The following CSMD2 variants were observed in gnomAD, a reference collection of about 807,000 sequenced individuals.
CSMD2 encodes the protein CUB and Sushi multiple domains 2.
A neutral mutation model predicts 398.5 loss-of-function variants in CSMD2; 130 were observed. That is an observed-to-expected ratio of 0.33 (90% CI 0.28 to 0.38). The LOEUF (loss-of-function observed/expected upper bound fraction) is 0.38. Among genes scored for constraint, CSMD2 ranks in the 10% least tolerant of loss-of-function variants. CSMD2 has a pLI of 1.00. For synonymous variants in CSMD2, 1,828 were observed against 1,908.5 expected (o/e 0.96, Z 1.10); for missense variants, 3,829 against 4,764.9 (o/e 0.80, Z 5.78).
chr1:34,010,980 C>T (rs1647265759), intron 3 of CSMD2, among the ~76,000 whole-genome samples: 2 of 152,184 alleles, frequency 1.3e-5, no homozygotes, highest in African/African-American at 4.8e-5. Flanking sequence ...ACCTTCTTTT[C>T]ATCCTTTAGG....
intron 11 of CSMD2, among the ~76,000 whole-genome samples, chr1:33,790,661 G>GTCTATCTATCTATCTA (rs72105736): frequency 2.0e-4 from 30 of 149,842 alleles, no homozygotes; most frequent in East Asian, 4.0e-4. Context: ...CTGTTTGTCT[G>GTCTATCTATCTATCTA]TCTATCTATC....
At chr1:33,664,989 T>C (rs1644261602) in intron 25 of CSMD2, among the ~76,000 whole-genome samples, 1 of 152,154 alleles carries the variant, frequency 6.6e-6, no homozygotes, top group African/African-American at 2.4e-5. Context: ...ATATATTCTT[T>C]ACGAAAATAC....
chr1:33,744,678 G>A (rs969819220), intron 13 of CSMD2, among the ~76,000 whole-genome samples: 2 of 152,010 alleles, frequency 1.3e-5, no homozygotes, highest in Non-Finnish European at 2.9e-5. Context: ...TATCAATATT[G>A]AATTAGAACC....
Position 33,624,719 on chromosome 1 carries a change from G to T in CSMD2, c.5501-76C>A. The T allele has an allele frequency of 6.4e-7, 1 of 1,552,612 alleles. No individual in the cohort carries two copies. Among genetic ancestry groups the T allele is most frequent in the Non-Finnish European group, 8.7e-7 (1 of 1,143,420 alleles). ...CTTCCCAAGCTGACTCCTCCCTCAT[G>T]GCCCCCAGCCTCTGTTTGTCCTCCT... On this transcript the variant is annotated intron_variant, in intron 34 of 70. Transcript: ENST00000373381. This position sits in a 1 kb window ranked among gnomAD's most constrained non-coding sequence, Gnocchi z 4.7.
chr1:33,920,564 A>AAAAAAAG (rs1553253405), intron 4 of CSMD2, among the ~76,000 whole-genome samples: 5 of 144,612 alleles, frequency 3.5e-5, no homozygotes, highest in South Asian at 2.2e-4. Context: ...AAAAAAAAAA[A>AAAAAAAG]AGAGACCCAA....
At chr1:33,817,110 A>G (rs3845474) in intron 9 of CSMD2, among the ~76,000 whole-genome samples, 104,993 of 151,624 alleles carry the variant, frequency 0.69, 37,823 homozygotes, top group African/African-American at 0.91. Context: ...AATTGAAAAC[A>G]AAATATTTTA....
intron 2 of CSMD2, among the ~76,000 whole-genome samples, chr1:34,034,448 T>C (rs1377294966): frequency 2.0e-5 from 3 of 152,188 alleles, no homozygotes; most frequent in Non-Finnish European, 4.4e-5. Context: ...TACTACAATA[T>C]AAGCTTGAGA....
rs1653631163 is a variant in CSMD2, at chr1:33,514,844, C to G, written c.*1780G>C. 1 of 152,158 alleles carries G rather than the reference C, an allele frequency of 6.6e-6. No homozygotes were observed. Among genetic ancestry groups the G allele is most frequent in the Admixed American group, 6.5e-5 (1 of 15,284 alleles). 9.4% of individuals were successfully genotyped at this position (152,158 alleles called of 1,614,324 possible). Reference sequence around the variant, plus strand: ...CCTCTGTCAGCCTCCATTGTGTCTGCTGGAAATGGACGCCTCTCACTTTCC... The same window carrying G: ...CCTCTGTCAGCCTCCATTGTGTCTGGTGGAAATGGACGCCTCTCACTTTCC... On this transcript the variant is annotated 3_prime_UTR_variant, in exon 71 of 71. Coordinates refer to ENST00000373381, the MANE Select transcript of CSMD2 (RefSeq NM_001281956.2).
At chr1:33,852,613 T>C (rs1299809151) in intron 5 of CSMD2, among the ~76,000 whole-genome samples, 2 of 152,262 alleles carry the variant, frequency 1.3e-5, no homozygotes, top group Non-Finnish European at 2.9e-5. Context: ...CCAGTGGACA[T>C]GGCCCTGCCA....
At chr1:34,037,224 T>C (rs1215655569) in intron 2 of CSMD2, among the ~76,000 whole-genome samples, 1 of 152,220 alleles carries the variant, frequency 6.6e-6, no homozygotes, top group Non-Finnish European at 1.5e-5. Flanking sequence ...TCTCCCTGGA[T>C]TGGGCTTTGA....
chr1:33,803,570 G>A (rs994804402), intron 10 of CSMD2, among the ~76,000 whole-genome samples: 3 of 152,272 alleles, frequency 2.0e-5, no homozygotes, highest in Admixed American at 6.5e-5. Context: ...CTGGAACCAC[G>A]TTGGTCACTT....
intron 5 of CSMD2, among the ~76,000 whole-genome samples, chr1:33,912,762 C>CAG (rs1386019108): frequency 6.6e-6 from 1 of 152,136 alleles, no homozygotes; most frequent in Non-Finnish European, 1.5e-5. Context: ...TAGTCCTGCA[C>CAG]AGAGCTCTTA....
chr1:33,719,122 G>A (rs939408476), intron 19 of CSMD2, among the ~76,000 whole-genome samples: 4 of 152,194 alleles, frequency 2.6e-5, no homozygotes, highest in African/African-American at 4.8e-5. Flanking sequence ...CTTCACGGGG[G>A]TCAAAATCCT....
At chr1:34,136,998 C>T (rs1205054367) in intron 1 of CSMD2, among the ~76,000 whole-genome samples, 1 of 152,192 alleles carries the variant, frequency 6.6e-6, no homozygotes, top group East Asian at 1.9e-4. Context: ...TATTCTTCCA[C>T]TTTACCCACT....
rs1642570017 is a variant in CSMD2 at position 33,633,183 on chromosome 1, G to A, written c.5200+239C>T. On this transcript the variant is annotated intron_variant, in intron 32 of 70. Coordinates refer to ENST00000373381, the MANE Select transcript of CSMD2 (RefSeq NM_001281956.2). This position sits in a 1 kb window ranked among gnomAD's most constrained non-coding sequence, Gnocchi z 5.0. Reference sequence around the variant, plus strand: ...TCTGAATACGAACCAACAGGAGAAGGCTACACCACAAGGGGGCGGTGTAGA... The same window carrying A: ...TCTGAATACGAACCAACAGGAGAAGACTACACCACAAGGGGGCGGTGTAGA... 6.6e-6 allele frequency among the ~76,000 whole-genome samples: 1 copy of A among 152,184 alleles called. No homozygotes were observed. The highest frequency in any genetic ancestry group is 2.1e-4 in the South Asian group (1 of 4,828).
rs117465075 is a variant in CSMD2 at position 34,033,675 on chromosome 1, G to A, written c.405-969C>T. Among the ~76,000 whole-genome samples the A allele has an allele frequency of 9.5e-4, 144 of 152,258 alleles. 3 individuals are homozygous for A. In the East Asian group the frequency reaches 0.02, roughly 21 times the overall value. The stretch of plus-strand genomic sequence containing the variant: ...CTTACCACACCCAGGTAGGAATCTA[G>A]GAGGAATTTCAAGGTTTAACTTTGT... On this transcript the variant is annotated intron_variant, in intron 2 of 70. Transcript: ENST00000373381.
At position 33,962,305 on chromosome 1, in the gene CSMD2, C is replaced by A. The variant is rs571621425; in HGVS notation, c.518-26351G>T. 3.0e-4 allele frequency among the ~76,000 whole-genome samples: 45 copies of A among 152,150 alleles called. 1 individual carries two copies. The South Asian group carries it at 9.3e-3, about 32-fold the overall frequency. On this transcript the variant is annotated intron_variant, in intron 3 of 70. Coordinates refer to ENST00000373381, the MANE Select transcript of CSMD2 (RefSeq NM_001281956.2). ...AGGGGGAGCGAGTTCTATATGTGGG[C>A]ATGTTGCTACTTAGGGGGCTTGCTC...
At chr1:33,818,811 C>A (rs971231569) in intron 9 of CSMD2, among the ~76,000 whole-genome samples, 3 of 152,190 alleles carry the variant, frequency 2.0e-5, no homozygotes, top group African/African-American at 7.2e-5. Flanking sequence ...AACTCTGCCC[C>A]TTTCTCAGTA....
intron 4 of CSMD2, among the ~76,000 whole-genome samples, chr1:33,930,042 G>A (rs914166087): frequency 2.6e-5 from 4 of 152,208 alleles, no homozygotes; most frequent in African/African-American, 9.6e-5. Context: ...CCTCCTGGCT[G>A]CTAGAATGTA....
Sources: gnomAD v4.1 joint callset for allele counts (sites outside exome capture counted in the v4.1 genomes callset) on GRCh38, gnomAD v4.1.1 for gene constraint, Gnocchi (gnomAD v3.1) non-coding constraint, MANE v1.5 for transcripts, NCBI Gene and HGNC (gene_info 2026-07-23, HGNC 2026-07-21) for gene names.